The following GLRB variants were observed in gnomAD, a reference collection of about 807,000 sequenced individuals.
The protein encoded by GLRB is glycine receptor subunit beta.
A neutral mutation model predicts 54.2 loss-of-function variants in GLRB; 33 were observed. The observed-to-expected ratio is 0.61, with a 90% CI of 0.46 to 0.81. The LOEUF (loss-of-function observed/expected upper bound fraction) is 0.81. GLRB is among the 40% of genes least tolerant of loss of function. The pLI, the probability that GLRB is intolerant of heterozygous loss-of-function variation, is 0.00. For missense variants in GLRB, 572 were observed against 584.6 expected (o/e 0.98, Z 0.22); for synonymous variants, 209 against 208.2 (o/e 1.00, Z -0.03).
At chr4:157,119,495 A>G (rs576843005) in intron 2 of GLRB, among the ~76,000 whole-genome samples, 10 of 151,644 alleles carry the variant, frequency 6.6e-5, no homozygotes, top group Non-Finnish European at 1.3e-4. Flanking sequence ...TTTCAATGGC[A>G]GGTTGCTTCA....
chr4:157,151,688 A>G (rs915280564), intron 8 of GLRB, among the ~76,000 whole-genome samples: 6 of 152,142 alleles, frequency 3.9e-5, no homozygotes, highest in African/African-American at 1.4e-4. Context: ...GATTATTAAT[A>G]CTAATATAGT....
intron 2 of GLRB, among the ~76,000 whole-genome samples, chr4:157,079,021 G>C (rs1366933902): frequency 6.6e-6 from 1 of 152,108 alleles, no homozygotes; most frequent in Non-Finnish European, 1.5e-5. Flanking sequence ...TGATCTGCTC[G>C]CCTTGGCATC....
At chr4:157,112,204 G>A (rs898541342) in intron 2 of GLRB, among the ~76,000 whole-genome samples, 6 of 151,886 alleles carry the variant, frequency 4.0e-5, no homozygotes, top group African/African-American at 1.2e-4. Flanking sequence ...CTAGATATGG[G>A]TGATGGGATG....
intron 1 of GLRB, among the ~76,000 whole-genome samples, chr4:157,077,248 C>T (rs2126405827): frequency 6.6e-6 from 1 of 151,782 alleles, no homozygotes; most frequent in Admixed American, 6.5e-5. Flanking sequence ...ATGGCTAGGA[C>T]GATAATTTGA....
At chr4:157,091,903 C>G (rs1734632022) in intron 2 of GLRB, among the ~76,000 whole-genome samples, 1 of 152,124 alleles carries the variant, frequency 6.6e-6, no homozygotes, top group Non-Finnish European at 1.5e-5. Context: ...CCTCCTTATC[C>G]TTCTAGTCCC....
chr4:157,085,679 A>G (rs906368695), intron 2 of GLRB, among the ~76,000 whole-genome samples: 2 of 151,930 alleles, frequency 1.3e-5, no homozygotes, highest in African/African-American at 4.8e-5. Flanking sequence ...TTGTGTTTTC[A>G]GTAGAGATGG....
intron 2 of GLRB, among the ~76,000 whole-genome samples, chr4:157,103,016 G>A (rs1389122898): frequency 6.6e-6 from 1 of 151,824 alleles, no homozygotes; most frequent in South Asian, 2.1e-4. Context: ...TTGTGCATGG[G>A]GATGCACGCC....
In GLRB at chr4:157,100,140, A is replaced by G. The variant is rs1047854616; in HGVS notation, c.123-20416A>G. 3.3e-5 allele frequency among the ~76,000 whole-genome samples: 5 copies of G among 152,182 alleles called. No individual in the cohort carries two copies. The South Asian group carries it at 1.0e-3, about 32-fold the overall frequency. On this transcript the variant is annotated intron_variant, in intron 2 of 9. Coordinates refer to ENST00000264428, the MANE Select transcript of GLRB (RefSeq NM_000824.5). ...AATTGAAGAATTTATTTTTAATAAAATCTGATTTGTTACTCATTTTTAATT... is the reference window on the plus strand; with the variant it reads ...AATTGAAGAATTTATTTTTAATAAAGTCTGATTTGTTACTCATTTTTAATT...
rs79113363 is a variant in GLRB at position 157,169,213 on chromosome 4, A to G, written c.1198-1219A>G. On this transcript the variant is annotated intron_variant, in intron 9 of 9. Transcript: ENST00000264428. ...TGATATACTAATAATATACAATTAAATGGTTTCCATGTTCAATAAAAATTG... is the reference window on the plus strand; with the variant it reads ...TGATATACTAATAATATACAATTAAGTGGTTTCCATGTTCAATAAAAATTG... 5.6e-3 allele frequency among the ~76,000 whole-genome samples: 847 copies of G among 152,238 alleles called. 7 individuals carry two copies. Among genetic ancestry groups the G allele is most frequent in the African/African-American group, 0.019 (772 of 41,540 alleles).
At chr4:157,114,185 T>C (rs1028809576) in intron 2 of GLRB, among the ~76,000 whole-genome samples, 7 of 151,864 alleles carry the variant, frequency 4.6e-5, no homozygotes, top group Admixed American at 1.3e-4. Context: ...AGCAGTGTTT[T>C]TTTCATAAGC....
chr4:157,121,640 T>G (rs1735825696), intron 3 of GLRB, among the ~76,000 whole-genome samples: 1 of 151,636 alleles, frequency 6.6e-6, no homozygotes, highest in Non-Finnish European at 1.5e-5. Flanking sequence ...ACCACCTGTT[T>G]TTCATCAGTT....
chr4:157,128,534 T>C (rs1736098597), intron 4 of GLRB, among the ~76,000 whole-genome samples: 1 of 151,890 alleles, frequency 6.6e-6, no homozygotes, highest in Admixed American at 6.6e-5. Context: ...CATTCCTGTA[T>C]TTAATAGAAG....
At chr4:157,131,475 T>G (rs983716230) in intron 4 of GLRB, among the ~76,000 whole-genome samples, 1 of 151,716 alleles carries the variant, frequency 6.6e-6, no homozygotes, top group Non-Finnish European at 1.5e-5. Flanking sequence ...ATTCCTAGTT[T>G]AGAACATTCT....
intron 2 of GLRB, chr4:157,084,841 A>G: frequency 3.0e-6 from 1 of 337,382 alleles, no homozygotes; most frequent in Non-Finnish European, 5.8e-6. Flanking sequence ...ATTCATTAAG[A>G]GATGAAATAG....
intron 2 of GLRB, among the ~76,000 whole-genome samples, chr4:157,108,459 G>C (rs1030996185): frequency 1.3e-5 from 2 of 152,034 alleles, no homozygotes; most frequent in Non-Finnish European, 2.9e-5. Flanking sequence ...GGATGACTTT[G>C]AGTAGTTCAA....
At chr4:157,120,420 A>AT (rs1348420242) in intron 2 of GLRB, 136 bp from the exon 3 acceptor site, 3 of 271,622 alleles carry the variant, frequency 1.1e-5, no homozygotes, top group Non-Finnish European at 2.2e-5. Flanking sequence ...AATAAAATAA[A>AT]TAAAAAAAAG....
intron 2 of GLRB, among the ~76,000 whole-genome samples, chr4:157,083,570 G>A (rs914366135): frequency 1.3e-5 from 2 of 152,086 alleles, no homozygotes; most frequent in African/African-American, 4.8e-5. Flanking sequence ...ATTTCAACTT[G>A]TGCAATTTTT....
chr4:157,162,430 T>G (rs2126624279), intron 9 of GLRB, among the ~76,000 whole-genome samples: 1 of 152,328 alleles, frequency 6.6e-6, no homozygotes, highest in Admixed American at 6.5e-5. Flanking sequence ...TTTTTAGAAT[T>G]TTCAGCTTTT....
chr4:157,157,510 G>A (rs954177118), intron 9 of GLRB, among the ~76,000 whole-genome samples: 1 of 152,000 alleles, frequency 6.6e-6, no homozygotes, highest in Admixed American at 6.5e-5. Context: ...CCCACGACAG[G>A]CCCTGGTGTG....
Sources: gnomAD v4.1 joint callset for allele counts (sites outside exome capture counted in the v4.1 genomes callset) on GRCh38, gnomAD v4.1.1 for gene constraint, MANE v1.5 for transcripts, NCBI Gene and HGNC (gene_info 2026-07-23, HGNC 2026-07-21) for gene names.